TBC1D1: variants seen among roughly 807,000 people sequenced by gnomAD.
TBC1D1 encodes TBC1 domain family member 1, also known as TBC1 (tre-2/USP6, BUB2, cdc16) domain family, member 1.
A neutral mutation model predicts 125.6 loss-of-function variants in TBC1D1; 89 were observed. The observed-to-expected ratio is 0.71, with a 90% CI of 0.60 to 0.85. The LOEUF (loss-of-function observed/expected upper bound fraction) is 0.85, where lower values mean the gene tolerates loss of function less well. Among genes scored for constraint, TBC1D1 ranks in the 40% least tolerant of loss-of-function variants. The probability of loss-of-function intolerance (pLI) is 0.00; values close to 1 mark genes in which losing one functional copy is unlikely to be tolerated. For synonymous variants in TBC1D1, 565 were observed against 564.1 expected (o/e 1.00, Z -0.02); for missense variants, 1,377 against 1,469.2 (o/e 0.94, Z 1.03).
At chr4:38,056,642 C>G (rs1037882260) in intron 12 of TBC1D1, among the ~76,000 whole-genome samples, 1 of 152,040 alleles carries the variant, frequency 6.6e-6, no homozygotes, top group Non-Finnish European at 1.5e-5. Flanking sequence ...GACCCTGTCT[C>G]TACAAAAAAA....
intron 14 of TBC1D1, among the ~76,000 whole-genome samples, chr4:38,100,013 T>C (rs573754691): frequency 6.6e-6 from 1 of 152,328 alleles, no homozygotes; most frequent in African/African-American, 2.4e-5. Context: ...AGAAAAAGTA[T>C]TTTGTGAAAA....
intron 2 of TBC1D1, among the ~76,000 whole-genome samples, chr4:37,983,686 C>T (rs992881743): frequency 2.6e-5 from 4 of 152,126 alleles, no homozygotes; most frequent in African/African-American, 9.7e-5. Context: ...TGCACAGCAT[C>T]CCCTGTTATT....
intron 19 of TBC1D1, among the ~76,000 whole-genome samples, chr4:38,135,902 GTA>G (rs1210881964): frequency 0.014 from 2,090 of 147,792 alleles, 43 homozygotes; most frequent in African/African-American, 0.049. Flanking sequence ...ATGTGTGTGT[GTA>G]TATATACGTG....
At chr4:38,135,897 TGTGTGTATATATAC>T (rs1382000936) in intron 19 of TBC1D1, among the ~76,000 whole-genome samples, 1 of 149,198 alleles carries the variant, frequency 6.7e-6, no homozygotes, top group Non-Finnish European at 1.5e-5. Flanking sequence ...TATATATGTG[TGTGTGTATATATAC>T]GTGTGTGTGT....
intron 11 of TBC1D1, among the ~76,000 whole-genome samples, chr4:38,052,726 GCGCACACACACACACA>G (rs1309033187): frequency 3.9e-4 from 27 of 69,010 alleles, no homozygotes; most frequent in African/African-American, 1.8e-3. Context: ...GCGCGCGCGC[GCGCACACACACACACA>G]CACACACACA....
chr4:38,111,567 T>C (rs1373180013), intron 15 of TBC1D1, among the ~76,000 whole-genome samples: 2 of 152,254 alleles, frequency 1.3e-5, no homozygotes, highest in African/African-American at 2.4e-5. Flanking sequence ...AAAATCTCTT[T>C]AATGTCTGAT....
At chr4:38,059,667 G>A (rs1195068892) in intron 12 of TBC1D1, among the ~76,000 whole-genome samples, 1 of 152,218 alleles carries the variant, frequency 6.6e-6, no homozygotes, top group East Asian at 1.9e-4. Context: ...GCAGAGGGTG[G>A]CGTTAGCGAA....
At chr4:37,979,770 G>A (rs1733973263) in intron 2 of TBC1D1, among the ~76,000 whole-genome samples, 2 of 152,220 alleles carry the variant, frequency 1.3e-5, no homozygotes, top group South Asian at 4.1e-4. Context: ...ACCTGAGCAC[G>A]AATGTGTTTT....
chr4:37,939,236 T>C (rs2152301737), intron 2 of TBC1D1, among the ~76,000 whole-genome samples: 1 of 152,370 alleles, frequency 6.6e-6, no homozygotes, highest in African/African-American at 2.4e-5. Flanking sequence ...TGTGAGATGA[T>C]ATCTCATTGT....
At chr4:38,001,700 G>A (rs1159978057) in intron 2 of TBC1D1, among the ~76,000 whole-genome samples, 1 of 152,188 alleles carries the variant, frequency 6.6e-6, no homozygotes, top group Non-Finnish European at 1.5e-5. Flanking sequence ...CTCAGGAAAT[G>A]CCAAGGGTTT....
chr4:38,092,734 T>TAA (rs772977772), intron 13 of TBC1D1, among the ~76,000 whole-genome samples: 18 of 131,170 alleles, frequency 1.4e-4, no homozygotes, highest in African/African-American at 1.7e-4. Context: ...GACTCCATCT[T>TAA]AAAAAAAAAA....
chr4:38,010,780 G>A (rs201636380), intron 2 of TBC1D1, among the ~76,000 whole-genome samples: 7 of 152,124 alleles, frequency 4.6e-5, no homozygotes, highest in African/African-American at 1.7e-4. Context: ...TCAGTGCTTA[G>A]TTCTTTCTCA....
rs1578903945 is a variant in TBC1D1 at position 38,139,046 on chromosome 4, A to G, written c.*1711A>G. 1.3e-5 allele frequency: 2 copies of G among 152,804 alleles called. No homozygotes were observed. The highest frequency in any genetic ancestry group is 4.1e-4 in the South Asian group (2 of 4,834). The allele number at this position is 152,804 out of a possible 1,614,324, so 9.5% of individuals were successfully genotyped here. On this transcript the variant is annotated 3_prime_UTR_variant, in exon 20 of 20. Coordinates refer to ENST00000261439, the MANE Select transcript of TBC1D1 (RefSeq NM_015173.4). ...TTAACATTTGAGGACTTTGTTCTGC[A>G]TCAGATCTTACTATTTGAATGTTTA...
At chr4:37,939,625 A>G (rs891855437) in intron 2 of TBC1D1, among the ~76,000 whole-genome samples, 1 of 152,168 alleles carries the variant, frequency 6.6e-6, no homozygotes, top group Non-Finnish European at 1.5e-5. Context: ...GGTATTGCCT[A>G]GGTTTTCTTA....
At chr4:37,915,073 A>G (rs1719438472) in intron 2 of TBC1D1, among the ~76,000 whole-genome samples, 1 of 152,248 alleles carries the variant, frequency 6.6e-6, no homozygotes, top group African/African-American at 2.4e-5. Flanking sequence ...TAAGAGAGCA[A>G]CGCTCTTGCC....
chr4:37,934,733 T>C, intron 2 of TBC1D1, among the ~76,000 whole-genome samples: 1 of 152,176 alleles, frequency 6.6e-6, no homozygotes, highest in East Asian at 1.9e-4. Flanking sequence ...CTGGGGACCC[T>C]TCAGTGTCAT....
In TBC1D1 at chr4:37,902,043, A is replaced by G. The variant is rs1450171455; in HGVS notation, c.-53A>G. On this transcript the variant is annotated 5_prime_UTR_variant, in exon 2 of 20. Coordinates refer to ENST00000261439, the MANE Select transcript of TBC1D1 (RefSeq NM_015173.4). ...GTGTGTAAAATAGATTGCTTGATCC[A>G]AAACAGAAAAACAGTGATAACTGTT... The G allele has an allele frequency of 5.3e-6, 8 of 1,522,262 alleles. No homozygotes were observed. Among genetic ancestry groups the G allele is most frequent in the Non-Finnish European group, 7.1e-6 (8 of 1,133,602 alleles). 94.3% of individuals were successfully genotyped at this position (1,522,262 alleles called of 1,614,324 possible).
At position 37,932,595 on chromosome 4, in the gene TBC1D1, T is replaced by C. The variant is rs376901512; in HGVS notation, c.417+30083T>C. 2.6e-5 allele frequency among the ~76,000 whole-genome samples: 4 copies of C among 152,326 alleles called. No homozygotes were observed. In the East Asian group the frequency reaches 7.7e-4, roughly 29 times the overall value. On this transcript the variant is annotated intron_variant, in intron 2 of 19. Transcript: ENST00000261439. ...GAATTGTGTCATTTCAGAGCAGGAA[T>C]GGCCCTGGTAAGGCATCAAGTCAAA...
chr4:38,102,150 G>A (rs999915311), intron 14 of TBC1D1, among the ~76,000 whole-genome samples: 5 of 150,940 alleles, frequency 3.3e-5, no homozygotes, highest in Non-Finnish European at 7.4e-5. Flanking sequence ...GTTAAATGAC[G>A]AGTTAATGGG....
Sources: allele counts gnomAD v4.1 joint callset (sites outside exome capture counted in the v4.1 genomes callset), GRCh38; gene constraint gnomAD v4.1.1; transcripts MANE v1.5; gene names NCBI Gene and HGNC (gene_info 2026-07-23, HGNC 2026-07-21).